Variants in CADPS2 observed in about 807,000 individuals in gnomAD.
CADPS2 encodes calcium-dependent secretion activator 2.
CADPS2 carries 93 observed loss-of-function variants against 172.5 expected under a neutral mutation model. The ratio of observed to expected loss-of-function variants is 0.54; its 90% CI spans 0.46 to 0.64. The LOEUF (loss-of-function observed/expected upper bound fraction) is 0.64. Ranked by LOEUF, CADPS2 falls within the 30% of genes least tolerant of loss-of-function variation. The pLI is 0.00. For synonymous variants in CADPS2, 546 were observed against 555.2 expected, an observed-to-expected ratio of 0.98 and a Z score of 0.23; for missense variants, 1,420 against 1,565.9, an observed-to-expected ratio of 0.91 and a Z score of 1.57.
chr7:122,704,713 G>T (rs1041347836), intron 2 of CADPS2, among the ~76,000 whole-genome samples: 2 of 151,872 alleles, frequency 1.3e-5, no homozygotes, highest in African/African-American at 4.8e-5. Context: ...CCTCTCTTCT[G>T]CCCTCGTCTT....
chr7:122,406,126 A>G (rs1181739791), intron 20 of CADPS2, among the ~76,000 whole-genome samples: 2 of 152,190 alleles, frequency 1.3e-5, no homozygotes, highest in Admixed American at 1.3e-4. Flanking sequence ...ATGTCCATGG[A>G]AAGTACAATA....
At position 122,507,900 on chromosome 7, in the gene CADPS2, A is replaced by T. The variant is rs569466272; in HGVS notation, c.1542+5349T>A. Among the ~76,000 whole-genome samples, 14 of 152,296 alleles carry T rather than the reference A, an allele frequency of 9.2e-5. 1 individual carries two copies. The South Asian group carries it at 2.9e-3, about 32-fold the overall frequency. ...GGTAAGGAAAAAAGAGGGATCAAACATGACACCTAGGTTTTGATTTAAGTA... is the reference window on the plus strand; with the variant it reads ...GGTAAGGAAAAAAGAGGGATCAAACTTGACACCTAGGTTTTGATTTAAGTA... On this transcript the variant is annotated intron_variant, in intron 9 of 29. Transcript: ENST00000449022.
chr7:122,353,468 T>A lies in CADPS2; in HGVS notation c.3504+7320A>T, dbSNP rs798692. ...AGAGAGACAGTTTCTTCTTCCTTCC[T>A]CATTGTTTTGGTCTTTTCTTGGCCA... On this transcript the variant is annotated intron_variant, in intron 27 of 29. Transcript: ENST00000449022. 2.0e-5 allele frequency among the ~76,000 whole-genome samples: 3 copies of A among 152,002 alleles called. No individual in the cohort carries two copies. The East Asian group carries it at 5.8e-4, about 30-fold the overall frequency.
At chr7:122,566,033 G>C (rs1246906742) in intron 7 of CADPS2, among the ~76,000 whole-genome samples, 5 of 152,098 alleles carry the variant, frequency 3.3e-5, no homozygotes, top group Non-Finnish European at 7.4e-5. Context: ...GACATCATGT[G>C]GTATCTGTCT....
chr7:122,349,146 C>T (rs1343130482), intron 27 of CADPS2, among the ~76,000 whole-genome samples: 1 of 151,946 alleles, frequency 6.6e-6, no homozygotes. Flanking sequence ...CAAACTATAA[C>T]TACACATTCT....
At chr7:122,605,110 C>G (rs1466045561) in intron 6 of CADPS2, among the ~76,000 whole-genome samples, 1 of 151,914 alleles carries the variant, frequency 6.6e-6, no homozygotes, top group Non-Finnish European at 1.5e-5. Flanking sequence ...AGAAAAGGTA[C>G]AGTGAAAATA....
intron 28 of CADPS2, chr7:122,331,879 G>C (rs1334807062): frequency 1.3e-5 from 2 of 152,134 alleles, no homozygotes; most frequent in African/African-American, 4.8e-5. Context: ...CATAACTCCT[G>C]TGTTATTTCA....
At chr7:122,865,421 A>G (rs1818043693) in intron 1 of CADPS2, among the ~76,000 whole-genome samples, 1 of 152,206 alleles carries the variant, frequency 6.6e-6, no homozygotes, top group Admixed American at 6.5e-5. Flanking sequence ...GCTGTGACAC[A>G]TGTGAGACCC....
intron 2 of CADPS2, chr7:122,676,798 G>T: frequency 1.1e-6 from 1 of 874,732 alleles, no homozygotes; most frequent in South Asian, 1.9e-5. Flanking sequence ...CATTTCCATG[G>T]GACAAGATTC....
intron 14 of CADPS2, among the ~76,000 whole-genome samples, chr7:122,470,209 T>G (rs2055733122): frequency 6.6e-6 from 1 of 151,934 alleles, no homozygotes; most frequent in African/African-American, 2.4e-5. Flanking sequence ...AAAAAGGTAG[T>G]AGAGAGGTAA....
At chr7:122,429,365 G>A (rs184022934) in intron 17 of CADPS2, among the ~76,000 whole-genome samples, 9 of 148,964 alleles carry the variant, frequency 6.0e-5, no homozygotes, top group Admixed American at 5.5e-4. Flanking sequence ...CAAGCAATGA[G>A]TTTTTACAAA....
chr7:122,325,626 AAAC>A (rs1292691922), intron 28 of CADPS2, 45 bp from the exon 29 acceptor site: 1 of 1,195,086 alleles, frequency 8.4e-7, no homozygotes, highest in Non-Finnish European at 1.2e-6. Context: ...CAAAAAAAGA[AAAC>A]AACCTCTGCA....
intron 1 of CADPS2, among the ~76,000 whole-genome samples, chr7:122,878,332 G>T (rs899114044): frequency 6.7e-6 from 1 of 150,252 alleles, no homozygotes; most frequent in Middle Eastern, 3.6e-3. Flanking sequence ...ACATTAGAGA[G>T]GGAAATAACC....
At chr7:122,366,276 T>C (rs1390861119) in intron 25 of CADPS2, among the ~76,000 whole-genome samples, 3 of 151,786 alleles carry the variant, frequency 2.0e-5, no homozygotes, top group Non-Finnish European at 2.9e-5. Context: ...ATAGGTTGTC[T>C]TCCCTAAATC....
chr7:122,808,095 T>A (rs1455219471), intron 1 of CADPS2, among the ~76,000 whole-genome samples: 2 of 152,142 alleles, frequency 1.3e-5, no homozygotes, highest in African/African-American at 4.8e-5. Flanking sequence ...ATATACTGAA[T>A]AAATTTATGG....
chr7:122,620,487 C>A (rs1052536620), intron 5 of CADPS2, among the ~76,000 whole-genome samples: 1 of 152,114 alleles, frequency 6.6e-6, no homozygotes, highest in African/African-American at 2.4e-5. Context: ...GATAAGCCCA[C>A]ATACACACAT....
chr7:122,371,785 A>C (rs140696938), intron 25 of CADPS2, among the ~76,000 whole-genome samples: 94 of 152,240 alleles, frequency 6.2e-4, no homozygotes, highest in African/African-American at 2.0e-3. Flanking sequence ...GATGTGCTTG[A>C]GCAGATTCTA....
intron 12 of CADPS2, among the ~76,000 whole-genome samples, chr7:122,476,479 T>A: frequency 6.6e-6 from 1 of 152,174 alleles, no homozygotes; most frequent in Non-Finnish European, 1.5e-5. Context: ...ATTTCTATAA[T>A]TAAATCATAT....
intron 9 of CADPS2, among the ~76,000 whole-genome samples, chr7:122,504,010 T>G (rs2059422919): frequency 6.6e-6 from 1 of 152,180 alleles, no homozygotes; most frequent in Non-Finnish European, 1.5e-5. Flanking sequence ...GTATTTCAAC[T>G]GGAAGTGAAG....
Sources: allele counts gnomAD v4.1 joint callset (sites outside exome capture counted in the v4.1 genomes callset), GRCh38; gene constraint gnomAD v4.1.1; transcripts MANE v1.5; gene names NCBI Gene and HGNC (gene_info 2026-07-23, HGNC 2026-07-21).